SAMD12: variants seen among roughly 807,000 people sequenced by gnomAD.
SAMD12 encodes the protein sterile alpha motif domain-containing protein 12.
In SAMD12, 9 loss-of-function variants were observed where a neutral mutation model predicts 15.0. That is an observed-to-expected ratio of 0.60 (90% CI 0.36 to 1.05). The LOEUF (loss-of-function observed/expected upper bound fraction) is 1.05, where lower values mean the gene tolerates loss of function less well. Ranked by LOEUF, SAMD12 falls within the 50% of genes least tolerant of loss-of-function variation. The pLI, the probability that SAMD12 is intolerant of heterozygous loss-of-function variation, is 0.01. For missense variants in SAMD12, 230 were observed against 234.2 expected, an observed-to-expected ratio of 0.98 and a Z score of 0.12; for synonymous variants, 86 against 90.1, an observed-to-expected ratio of 0.96 and a Z score of 0.25.
chr8:118,378,153 C>T lies in SAMD12; in HGVS notation c.*1264G>A, dbSNP rs1819481948. The T allele has an allele frequency of 1.3e-5, 2 of 153,350 alleles. No homozygotes were observed. Among genetic ancestry groups the T allele is most frequent in the African/African-American group, 4.8e-5 (2 of 41,454 alleles). The allele number at this position is 153,350 out of a possible 1,614,324, so 9.5% of individuals were successfully genotyped here. A position where few individuals can be genotyped will look rare whatever the true frequency, so the allele number is the denominator to read the frequency against. On this transcript the variant is annotated 3_prime_UTR_variant, in exon 4 of 4. Transcript: ENST00000314727. ...CACCTTGTATGACTTACGTAATTTC[C>T]CATGTTGTCATGTATTCTTTAAAGA...
the SAMD12 span, among the ~76,000 whole-genome samples, chr8:118,167,957 G>A: frequency 1.3e-5 from 2 of 152,108 alleles, no homozygotes; most frequent in Admixed American, 6.5e-5. Context: ...ATCTCAACTT[G>A]AATTGTATCT....
chr8:118,614,458 C>T (rs967576400), intron 1 of SAMD12, among the ~76,000 whole-genome samples: 4 of 152,150 alleles, frequency 2.6e-5, no homozygotes, highest in African/African-American at 7.2e-5. Flanking sequence ...ACTGTGACTG[C>T]TATGATCCCC....
At chr8:118,223,080 T>G (rs1321767210) in intron 4 of SAMD12, among the ~76,000 whole-genome samples, 1 of 152,166 alleles carries the variant, frequency 6.6e-6, no homozygotes, top group Non-Finnish European at 1.5e-5. Flanking sequence ...AGTTACATAT[T>G]CCAGCTTAAG....
At chr8:118,311,244 A>C (rs1229981170) in intron 4 of SAMD12, among the ~76,000 whole-genome samples, 1 of 152,252 alleles carries the variant, frequency 6.6e-6, no homozygotes, top group East Asian at 1.9e-4. Flanking sequence ...GGATTTCTGA[A>C]GAAAAAAAAT....
chr8:118,486,157 G>GTA (rs1350933758), intron 2 of SAMD12, among the ~76,000 whole-genome samples: 2 of 152,182 alleles, frequency 1.3e-5, no homozygotes, highest in African/African-American at 2.4e-5. Flanking sequence ...GCTCACACCT[G>GTA]TAATCCCAGC....
the SAMD12 span, among the ~76,000 whole-genome samples, chr8:118,153,495 G>A: frequency 5.3e-5 from 8 of 152,272 alleles, no homozygotes; most frequent in East Asian, 3.9e-4. Context: ...GGGGCCAAAC[G>A]TATAATCTAT....
At chr8:118,347,695 C>T (rs998437085) in intron 4 of SAMD12, among the ~76,000 whole-genome samples, 2 of 152,216 alleles carry the variant, frequency 1.3e-5, no homozygotes, top group Non-Finnish European at 2.9e-5. Context: ...TACAAATGTT[C>T]TACAGAATAC....
chr8:118,443,647 G>T (rs570938049), intron 2 of SAMD12, among the ~76,000 whole-genome samples: 1 of 152,284 alleles, frequency 6.6e-6, no homozygotes, highest in South Asian at 2.1e-4. Context: ...GCATTTTAAT[G>T]AAATTACTAT....
At chr8:118,143,122 A>AC in the SAMD12 span, among the ~76,000 whole-genome samples, 2 of 152,074 alleles carry the variant, frequency 1.3e-5, no homozygotes, top group African/African-American at 4.8e-5. Flanking sequence ...TTGACTTCTG[A>AC]GTTGTGATTT....
At chr8:118,559,622 G>C (rs753033624) in intron 2 of SAMD12, among the ~76,000 whole-genome samples, 7 of 152,198 alleles carry the variant, frequency 4.6e-5, no homozygotes, top group Non-Finnish European at 7.3e-5. Context: ...GGGGACATAT[G>C]TGACATGCAC....
At chr8:118,421,638 A>G (rs1457693786) in intron 3 of SAMD12, among the ~76,000 whole-genome samples, 1 of 152,214 alleles carries the variant, frequency 6.6e-6, no homozygotes, top group African/African-American at 2.4e-5. Flanking sequence ...CAATGCACCT[A>G]TGGTGTGACA....
At chr8:118,167,436 CA>C in the SAMD12 span, among the ~76,000 whole-genome samples, 1 of 152,102 alleles carries the variant, frequency 6.6e-6, no homozygotes, top group Non-Finnish European at 1.5e-5. Flanking sequence ...ACTTCAGTGT[CA>C]GAAAAGACTG....
chr8:118,194,897 C>T lies in SAMD12; in HGVS notation c.*2813G>A, dbSNP rs944790262. 5 of 152,134 alleles carry T rather than the reference C, an allele frequency of 3.3e-5. No individual in the cohort carries two copies. The East Asian group carries it at 9.7e-4, about 29-fold the overall frequency. 9.4% of individuals were successfully genotyped at this position (152,134 alleles called of 1,614,324 possible). A position where few individuals can be genotyped will look rare whatever the true frequency, so the allele number is the denominator to read the frequency against. On this transcript the variant is annotated 3_prime_UTR_variant, in exon 5 of 5. Transcript: ENST00000409003. ...TCTTGACTGCTTGGATTTTATGCCA[C>T]CATATTTCCAAACTATCCCCCACAA...
At chr8:118,200,161 C>G (rs576325691) in intron 4 of SAMD12, among the ~76,000 whole-genome samples, 7 of 152,120 alleles carry the variant, frequency 4.6e-5, no homozygotes, top group Non-Finnish European at 1.0e-4. Flanking sequence ...TCCCCAGCCA[C>G]GTGGAACTGT....
chr8:118,229,316 T>C (rs1038341529), intron 4 of SAMD12, among the ~76,000 whole-genome samples: 9 of 151,488 alleles, frequency 5.9e-5, no homozygotes, highest in African/African-American at 2.2e-4. Context: ...AATATATAAA[T>C]AAATAAAAAT....
intron 3 of SAMD12, among the ~76,000 whole-genome samples, chr8:118,424,118 C>T (rs1005274409): frequency 1.3e-5 from 2 of 152,080 alleles, no homozygotes; most frequent in African/African-American, 2.4e-5. Context: ...GAGAAATTAT[C>T]ACTAATTGCT....
At chr8:118,257,100 A>G (rs1323868371) in intron 4 of SAMD12, among the ~76,000 whole-genome samples, 1 of 152,112 alleles carries the variant, frequency 6.6e-6, no homozygotes. Flanking sequence ...ATTAGAAAAG[A>G]CATTCAGAAC....
chr8:118,578,258 A>G (rs1473392413), intron 2 of SAMD12, among the ~76,000 whole-genome samples: 2 of 152,148 alleles, frequency 1.3e-5, no homozygotes, highest in African/African-American at 2.4e-5. Context: ...ATTAATACAC[A>G]GTTTCTTTAG....
chr8:118,215,813 C>T (rs1586351683), intron 4 of SAMD12, among the ~76,000 whole-genome samples: 1 of 152,174 alleles, frequency 6.6e-6, no homozygotes, highest in South Asian at 2.1e-4. Flanking sequence ...TTTATGGCTG[C>T]ATAGTATTCC....
Sources: gnomAD v4.1 joint callset for allele counts (sites outside exome capture counted in the v4.1 genomes callset) on GRCh38, gnomAD v4.1.1 for gene constraint, MANE v1.5 for transcripts, NCBI Gene and HGNC (gene_info 2026-07-23, HGNC 2026-07-21) for gene names.